The following TTLL4 variants were observed in gnomAD, a reference collection of about 807,000 sequenced individuals.
TTLL4 encodes the protein tubulin tyrosine ligase like 4, also known as tubulin monoglutamylase TTLL4.
A neutral mutation model predicts 122.7 loss-of-function variants in TTLL4; 85 were observed. That is an observed-to-expected ratio of 0.69 (90% CI 0.58 to 0.83). The LOEUF is 0.83. TTLL4 is among the 40% of genes least tolerant of loss of function. TTLL4 has a pLI of 0.00. For missense variants in TTLL4, 1,363 were observed against 1,488.6 expected (o/e 0.92, Z 1.39); for synonymous variants, 553 against 563.0 (o/e 0.98, Z 0.25).
chr2:218,751,910 CTTTT>C, intron 16 of TTLL4, 104 bp downstream of exon 16: 10 of 431,450 alleles, frequency 2.3e-5, no homozygotes, highest in East Asian at 1.0e-4. Flanking sequence ...TTTTCTTTTT[CTTTT>C]TTTTTTTTTT....
intron 1 of TTLL4, among the ~76,000 whole-genome samples, chr2:218,711,932 A>G (rs1176661756): frequency 6.7e-6 from 1 of 149,152 alleles, no homozygotes; most frequent in African/African-American, 2.4e-5. Context: ...CCTTTGGGAC[A>G]GTGTTCCATC....
intron 15 of TTLL4, among the ~76,000 whole-genome samples, chr2:218,751,082 G>C (rs1213098499): frequency 6.6e-6 from 1 of 152,166 alleles, no homozygotes; most frequent in African/African-American, 2.4e-5. Flanking sequence ...TTCAACTAGA[G>C]AGTGGTAGGA....
At chr2:218,745,528 T>C in intron 6 of TTLL4, 163 bp from the exon 7 acceptor site, 1 of 651,560 alleles carries the variant, frequency 1.5e-6, no homozygotes, top group Non-Finnish European at 2.7e-6. Context: ...ACAGCCCCTC[T>C]TCTTTCCCAA....
intron 4 of TTLL4, 59 bp from the exon 5 acceptor site, chr2:218,740,462 T>G: frequency 1.3e-6 from 2 of 1,566,690 alleles, no homozygotes; most frequent in Non-Finnish European, 1.8e-6. Flanking sequence ...TGCCTAGGCT[T>G]GGTAAGTTTG....
rs1941812478 is a variant in TTLL4, at chr2:218,714,842, C to T, written c.-178+3805C>T. Among the ~76,000 whole-genome samples, 4 of 151,958 alleles carry T rather than the reference C, an allele frequency of 2.6e-5. No individual in the cohort carries two copies. The South Asian group carries it at 8.3e-4, about 31-fold the overall frequency. ...CAGGCTGGTCTCGAACTCCTGGACT[C>T]AAACAGTCCTCCCGCCTCAACCTCC... On this transcript the variant is annotated intron_variant, in intron 1 of 19. Coordinates refer to ENST00000392102, the MANE Select transcript of TTLL4 (RefSeq NM_014640.5).
rs776311949 is a variant in TTLL4 at position 218,754,090 on chromosome 2, T to TAAACAGGGTCTCAGTC, written c.3345-38_3345-37insGGTCTCAGTCAAACAG. 31 of 1,611,846 alleles carry TAAACAGGGTCTCAGTC rather than the reference T, an allele frequency of 1.9e-5. No homozygotes were observed. The Admixed American group carries it at 2.7e-4, about 14-fold the overall frequency. ...GCAAATCCTAAGGTAAAGTCTCAGTTAAACAGTGTCTCAGTCATTTCTTTC... is the reference window on the plus strand; with the variant it reads ...GCAAATCCTAAGGTAAAGTCTCAGTTAAACAGGGTCTCAGTCAAACAGTGTCTCAGTCATTTCTTTC... On this transcript the variant is annotated intron_variant, in intron 19 of 19. Transcript: ENST00000392102.
chr2:218,722,316 A>C (rs566823970), intron 1 of TTLL4, among the ~76,000 whole-genome samples: 2 of 151,606 alleles, frequency 1.3e-5, no homozygotes, highest in African/African-American at 4.8e-5. Flanking sequence ...TTCCAACCTC[A>C]TTGGTAGTTT....
chr2:218,747,735 A>G lies in TTLL4; in HGVS notation c.2378+10A>G. 6.2e-7 allele frequency: 1 copy of G among 1,614,200 alleles called. No individual in the cohort carries two copies. The highest frequency in any genetic ancestry group is 8.5e-7 in the Non-Finnish European group (1 of 1,180,020). ...GCTTTGCCAGTTGCAAGTATGTGAC[A>G]GTGGTGAGGTATCCTCTGACAATAT... is the stretch of plus-strand genomic sequence containing the variant. On this transcript the variant is annotated intron_variant, in intron 11 of 19. Coordinates refer to ENST00000392102, the MANE Select transcript of TTLL4 (RefSeq NM_014640.5). This position sits in a 1 kb window ranked among gnomAD's most constrained non-coding sequence, Gnocchi z 4.7.
At position 218,753,174 on chromosome 2, in the gene TTLL4, T is replaced by G. The variant is rs140352764; in HGVS notation, c.3247T>G (p.Ser1083Ala). The G allele has an allele frequency of 7.2e-5, 116 of 1,614,208 alleles. 1 individual carries two copies. The African/African-American group carries it at 1.4e-3, about 19-fold the overall frequency. ...KGFHMGVVSDSAPVWSLPTSL... is the reference protein window; with the variant it reads ...KGFHMGVVSDAAPVWSLPTSL... ...GTTCCACATGGGAGTTGTCTCTGAT[T>G]CTGCTCCAGTGGTGAGTGCTGCCAG... Residue 1083 changes from serine (S) to alanine (A), a missense_variant, in exon 18 of 20, where the codon TCT (serine) becomes GCT (alanine). By Grantham distance (99) the Ser-to-Ala change is moderately conservative. Transcript: ENST00000392102.
chr2:218,753,708 G>T (rs774520462), intron 19 of TTLL4, 39 bp downstream of exon 19: 1 of 1,598,916 alleles, frequency 6.3e-7, no homozygotes. Flanking sequence ...TGCTGGCTGT[G>T]AGTTTGTAGA....
intron 13 of TTLL4, 44 bp from the exon 14 acceptor site, chr2:218,749,209 T>A (rs777893048): frequency 6.2e-7 from 1 of 1,610,390 alleles, no homozygotes; most frequent in Non-Finnish European, 8.5e-7. Context: ...AGTAGAGCCC[T>A]CTGGGAGGAG....
At chr2:218,752,619 C>T in intron 16 of TTLL4, 144 bp from the exon 17 acceptor site, 1 of 774,914 alleles carries the variant, frequency 1.3e-6, no homozygotes, top group South Asian at 1.7e-5. Flanking sequence ...CAGAGCTGGC[C>T]CACTAGGCTG....
intron 12 of TTLL4, chr2:218,748,602 C>G: frequency 2.3e-6 from 1 of 443,158 alleles, no homozygotes; most frequent in Non-Finnish European, 3.9e-6. Flanking sequence ...TTGCAGTGAG[C>G]TGAGATCGCG....
At chr2:218,746,106 C>CCCTG (rs1408156192) in intron 7 of TTLL4, 49 bp from the exon 8 acceptor site, 4 of 1,608,536 alleles carry the variant, frequency 2.5e-6, no homozygotes. Context: ...CTCTCTCTGT[C>CCCTG]CCTGGACTGA....
chr2:218,728,701 C>T (rs552955128), intron 2 of TTLL4, among the ~76,000 whole-genome samples: 125 of 152,250 alleles, frequency 8.2e-4, no homozygotes, highest in African/African-American at 2.5e-3. Context: ...GGATTTGTGC[C>T]CAGGAGACCT....
In TTLL4 at chr2:218,747,882, TG is replaced by T; in HGVS notation, c.2378+161del. The T allele has an allele frequency of 8.2e-7, 1 of 1,221,962 alleles. No homozygotes were observed. The highest frequency in any genetic ancestry group is 1.1e-6 in the Non-Finnish European group (1 of 879,590). The allele number at this position is 1,221,962 out of a possible 1,614,324, so 75.7% of individuals were successfully genotyped here. Reference sequence around the variant, plus strand: ...TGGAGGCTCTCTACTTCGTTAAATCTGGGGAGGGTCTTCCTGCATGCGGGAC... The same window carrying T: ...TGGAGGCTCTCTACTTCGTTAAATCTGGGAGGGTCTTCCTGCATGCGGGAC... On this transcript the variant is annotated intron_variant, in intron 11 of 19. Coordinates refer to ENST00000392102, the MANE Select transcript of TTLL4 (RefSeq NM_014640.5). The surrounding 1 kb of genome is among the most constrained non-coding windows in gnomAD (Gnocchi z 4.7).
At chr2:218,731,450 A>G (rs1942380757) in intron 2 of TTLL4, among the ~76,000 whole-genome samples, 1 of 152,052 alleles carries the variant, frequency 6.6e-6, no homozygotes, top group Admixed American at 6.6e-5. Flanking sequence ...CCAAATAACA[A>G]GACGGTTCTG....
rs1214489346 is a variant in TTLL4 at position 218,754,167 on chromosome 2, C to G, written c.3378C>G (p.Leu1126=). The G allele has an allele frequency of 1.2e-6, 2 of 1,614,222 alleles. No homozygotes were observed. The highest frequency in any genetic ancestry group is 1.7e-6 in the Non-Finnish European group (2 of 1,180,048). ...GCTCCTGTGAGGTTAGCCTACTACT[C>G]TCTGAAGACGGGACCACGCCCAAAT... is the stretch of plus-strand genomic sequence containing the variant. ...KQSSCEVSLL[L]SEDGTTPKSK... is the part of the protein sequence containing the mutation. The change falls in exon 20 of 20, where the codon CTC becomes CTG. Residue 1126 remains leucine, a synonymous_variant. Transcript: ENST00000392102.
intron 1 of TTLL4, among the ~76,000 whole-genome samples, chr2:218,717,285 A>G (rs1941891096): frequency 6.6e-6 from 1 of 151,914 alleles, no homozygotes; most frequent in Non-Finnish European, 1.5e-5. Flanking sequence ...TGTTATGAAA[A>G]TATTTTCTAT....
Sources: allele counts gnomAD v4.1 joint callset (sites outside exome capture counted in the v4.1 genomes callset), GRCh38; gene constraint gnomAD v4.1.1; non-coding constraint Gnocchi (gnomAD v3.1); transcripts MANE v1.5; gene names NCBI Gene and HGNC (gene_info 2026-07-23, HGNC 2026-07-21).